PDE4B: variants seen among roughly 807,000 people sequenced by gnomAD.
The protein encoded by PDE4B is phosphodiesterase 4B, also known as 3',5'-cyclic-AMP phosphodiesterase 4B.
A neutral mutation model predicts 82.2 loss-of-function variants in PDE4B; 20 were observed. That is an observed-to-expected ratio of 0.24 (90% confidence interval 0.17 to 0.35). The LOEUF is 0.35. PDE4B is among the 10% of genes least tolerant of loss of function. The pLI is 1.00. For synonymous variants in PDE4B, 320 were observed against 318.9 expected, an observed-to-expected ratio of 1.00 and a Z score of -0.04; for missense variants, 655 against 907.2, an observed-to-expected ratio of 0.72 and a Z score of 3.57.
chr1:66,363,051 C>A, intron 10 of PDE4B, 117 bp from the exon 11 acceptor site: 1 of 681,172 alleles, frequency 1.5e-6, no homozygotes, highest in Non-Finnish European at 2.6e-6. Flanking sequence ...AACTAAAGCA[C>A]TCTAAGGAGA....
intron 3 of PDE4B, among the ~76,000 whole-genome samples, chr1:66,015,771 G>A (rs1652740350): frequency 6.6e-6 from 1 of 152,050 alleles, no homozygotes; most frequent in African/African-American, 2.4e-5. Flanking sequence ...GGTGGGGGGT[G>A]TTTGATTAGA....
At chr1:65,970,921 C>T (rs1023037588) in intron 3 of PDE4B, among the ~76,000 whole-genome samples, 1 of 151,490 alleles carries the variant, frequency 6.6e-6, no homozygotes, top group Non-Finnish European at 1.5e-5. Context: ...CGGGTCTGGA[C>T]AGGACGGGAT....
chr1:66,021,818 C>A (rs1355981928), intron 3 of PDE4B, among the ~76,000 whole-genome samples: 1 of 152,074 alleles, frequency 6.6e-6, no homozygotes, highest in Non-Finnish European at 1.5e-5. Flanking sequence ...TCCATATGAA[C>A]TTTAAAGTAG....
rs561741742 is a variant in PDE4B at position 65,845,157 on chromosome 1, G to A, written c.-71+51909G>A. On this transcript the variant is annotated intron_variant, in intron 1 of 16. Coordinates refer to ENST00000341517, the MANE Select transcript of PDE4B (RefSeq NM_002600.4). ...TTCATTCTCTGGATAATGTCCCAGC[G>A]TACAACATAACATCCAACATAACTT... Among the ~76,000 whole-genome samples, 33 of 152,230 alleles carry A rather than the reference G, an allele frequency of 2.2e-4. 1 individual carries two copies. Among genetic ancestry groups the A allele is most frequent in the Middle Eastern group, 3.4e-3 (1 of 294 alleles).
intron 1 of PDE4B, among the ~76,000 whole-genome samples, chr1:65,872,721 C>A (rs950766571): frequency 4.6e-5 from 7 of 152,128 alleles, no homozygotes; most frequent in African/African-American, 7.2e-5. Flanking sequence ...GTACTTGGTG[C>A]AAACTACTGT....
At chr1:66,185,249 A>G (rs1647162205) in intron 3 of PDE4B, among the ~76,000 whole-genome samples, 1 of 152,212 alleles carries the variant, frequency 6.6e-6, no homozygotes, top group Non-Finnish European at 1.5e-5. Context: ...ATTGTTGGAC[A>G]TTTGGGTTGG....
chr1:66,202,955 T>TA (rs1268112257), intron 3 of PDE4B, among the ~76,000 whole-genome samples: 1 of 151,362 alleles, frequency 6.6e-6, no homozygotes, highest in East Asian at 1.9e-4. Context: ...ATGGTCTTTA[T>TA]AATTTGGCAT....
intron 1 of PDE4B, among the ~76,000 whole-genome samples, chr1:65,899,969 A>G (rs1557806167): frequency 6.6e-6 from 1 of 151,982 alleles, no homozygotes; most frequent in East Asian, 1.9e-4. Context: ...AATCTCACAA[A>G]TCACCACTAA....
At chr1:66,100,885 G>C (rs1208338400) in intron 3 of PDE4B, among the ~76,000 whole-genome samples, 4 of 152,052 alleles carry the variant, frequency 2.6e-5, no homozygotes, top group Non-Finnish European at 4.4e-5. Context: ...ACAACGTGCA[G>C]GTTTGTTGCA....
intron 8 of PDE4B, among the ~76,000 whole-genome samples, chr1:66,336,172 A>G (rs567734725): frequency 6.6e-6 from 1 of 152,258 alleles, no homozygotes; most frequent in African/African-American, 2.4e-5. Flanking sequence ...CAACGTCATT[A>G]GAGGAGGATA....
At chr1:66,313,466 C>T (rs1658807495) in intron 7 of PDE4B, among the ~76,000 whole-genome samples, 1 of 152,118 alleles carries the variant, frequency 6.6e-6, no homozygotes, top group South Asian at 2.1e-4. Flanking sequence ...ATTCACTTCC[C>T]TTCTCCTGGC....
intron 3 of PDE4B, among the ~76,000 whole-genome samples, chr1:66,103,187 T>G (rs1011559694): frequency 1.3e-5 from 2 of 152,116 alleles, no homozygotes; most frequent in African/African-American, 4.8e-5. Context: ...CACCGAAAGG[T>G]TGAAATGAGT....
In PDE4B at chr1:66,308,872, G is replaced by A. The variant is rs1039106529; in HGVS notation, c.635-23636G>A. Reference sequence around the variant, plus strand: ...ACATATACAGAGCTATGCTAACATTGCATTTAGATATAGTTACTAAAAAAT... The same window carrying A: ...ACATATACAGAGCTATGCTAACATTACATTTAGATATAGTTACTAAAAAAT... On this transcript the variant is annotated intron_variant, in intron 7 of 16. Transcript: ENST00000341517. Among the ~76,000 whole-genome samples the A allele has an allele frequency of 5.3e-5, 8 of 152,190 alleles. 2 individuals are homozygous for A. Among genetic ancestry groups the A allele is most frequent in the Admixed American group, 6.5e-5 (1 of 15,280 alleles).
At chr1:66,335,881 G>T (rs995798636) in intron 8 of PDE4B, among the ~76,000 whole-genome samples, 2 of 152,162 alleles carry the variant, frequency 1.3e-5, no homozygotes, top group Non-Finnish European at 2.9e-5. Flanking sequence ...CATTAATTTT[G>T]TGTTTCAATT....
At chr1:65,813,081 C>T (rs183763202) in intron 1 of PDE4B, among the ~76,000 whole-genome samples, 19 of 152,166 alleles carry the variant, frequency 1.2e-4, no homozygotes, top group Admixed American at 9.2e-4. Context: ...AGGAGGCTAC[C>T]GAGGGAGTTC....
intron 3 of PDE4B, among the ~76,000 whole-genome samples, chr1:65,981,186 A>C (rs991779350): frequency 4.6e-5 from 7 of 152,312 alleles, no homozygotes; most frequent in African/African-American, 1.7e-4. Context: ...AAGGAGGTAC[A>C]TAAGAAACGT....
At chr1:66,247,401 T>C in intron 3 of PDE4B, 59 bp from the exon 4 acceptor site, 1 of 1,221,604 alleles carries the variant, frequency 8.2e-7, no homozygotes, top group Non-Finnish European at 1.1e-6. Context: ...TCTCAGTGTA[T>C]ACTATGTGTC....
At chr1:65,869,224 T>G (rs1173699038) in intron 1 of PDE4B, among the ~76,000 whole-genome samples, 1 of 152,232 alleles carries the variant, frequency 6.6e-6, no homozygotes, top group East Asian at 1.9e-4. Flanking sequence ...AGTTCACATC[T>G]CAAATATGTT....
At chr1:66,273,315 T>A (rs772932665) in intron 7 of PDE4B, among the ~76,000 whole-genome samples, 8 of 152,268 alleles carry the variant, frequency 5.3e-5, no homozygotes, top group Non-Finnish European at 1.0e-4. Context: ...TTCTACCTGG[T>A]TGCCTTTTCT....
Sources: gnomAD v4.1 joint callset for allele counts (sites outside exome capture counted in the v4.1 genomes callset) on GRCh38, gnomAD v4.1.1 for gene constraint, MANE v1.5 for transcripts, NCBI Gene and HGNC (gene_info 2026-07-23, HGNC 2026-07-21) for gene names.